ACSF2: variants seen among roughly 807,000 people sequenced by gnomAD.
The protein encoded by ACSF2 is medium-chain acyl-CoA ligase ACSF2, mitochondrial.
In ACSF2, 52 loss-of-function variants were observed where a neutral mutation model predicts 79.3. The observed-to-expected ratio is 0.66, with a 90% confidence interval of 0.53 to 0.83. The LOEUF (loss-of-function observed/expected upper bound fraction) is 0.83, where lower values mean the gene tolerates loss of function less well. ACSF2 is among the 40% of genes least tolerant of loss of function. ACSF2 has a pLI of 0.00. For missense variants in ACSF2, 661 were observed against 803.3 expected, an observed-to-expected ratio of 0.82 and a Z score of 2.14; for synonymous variants, 283 against 312.6, an observed-to-expected ratio of 0.91 and a Z score of 1.00.
At chr17:50,459,353 C>T (rs911145055) in intron 1 of ACSF2, among the ~76,000 whole-genome samples, 5 of 152,196 alleles carry the variant, frequency 3.3e-5, no homozygotes, top group African/African-American at 9.6e-5. Context: ...TGATCCTCCC[C>T]CTTCAACCTC....
chr17:50,440,204 C>G (rs540888238), intron 1 of ACSF2, among the ~76,000 whole-genome samples: 37 of 151,368 alleles, frequency 2.4e-4, no homozygotes, highest in African/African-American at 8.2e-4. Flanking sequence ...TTTTGAAAGC[C>G]TCACTGGTGG....
intron 10 of ACSF2, chr17:50,464,586 G>A (rs1259100080): frequency 3.5e-6 from 2 of 570,776 alleles, no homozygotes; most frequent in Admixed American, 2.2e-5. Context: ...TGTCCTGCTA[G>A]AACGTCCTGG....
chr17:50,473,400 C>T (rs973909620), intron 12 of ACSF2: 33 of 436,036 alleles, frequency 7.6e-5, no homozygotes, highest in Non-Finnish European at 1.1e-4. Flanking sequence ...TGAGCTGAGA[C>T]CTGGAAAGAA....
chr17:50,473,393 G>A, intron 12 of ACSF2: 1 of 425,242 alleles, frequency 2.4e-6, no homozygotes, highest in Non-Finnish European at 4.3e-6. Flanking sequence ...AGACATTTGA[G>A]CTGAGACCTG....
intron 1 of ACSF2, among the ~76,000 whole-genome samples, chr17:50,452,138 A>C (rs557421583): frequency 2.4e-4 from 37 of 152,240 alleles, no homozygotes; most frequent in African/African-American, 7.0e-4. Context: ...CAAGGCTCCT[A>C]TCTGGTCTCA....
At position 50,461,704 on chromosome 17, in the gene ACSF2, G is replaced by C. The variant is rs755101203; in HGVS notation, c.507+18G>C. 6.2e-7 allele frequency: 1 copy of C among 1,613,980 alleles called. No individual in the cohort carries two copies. The highest frequency in any genetic ancestry group is 8.5e-7 in the Non-Finnish European group (1 of 1,179,962). On this transcript the variant is annotated intron_variant, in intron 4 of 15. Transcript: ENST00000300441. ...TCAAGAAGGTACAGCTCATTTGTCG[G>C]GGAGGGGCCCGGCTGGGGCCTGGCA...
At chr17:50,460,112 G>A (rs919460648) in intron 1 of ACSF2, 17 of 451,694 alleles carry the variant, frequency 3.8e-5, no homozygotes, top group African/African-American at 2.8e-4. Context: ...CTACAGGCCT[G>A]TGGAATAACA....
At position 50,461,951 on chromosome 17, in the gene ACSF2, T is replaced by TGC. The variant is rs1555611295; in HGVS notation, c.508-231_508-230dup. Among the ~76,000 whole-genome samples the TGC allele has an allele frequency of 4.0e-5, 6 of 150,482 alleles. No homozygotes were observed. The South Asian group carries it at 6.4e-4, about 16-fold the overall frequency. The stretch of plus-strand genomic sequence containing the variant: ...AGGTGTGTGTGTGTGTGTGTGTGTG[T>TGC]GCGTGTGTCCATCCTCATATGTGAT... On this transcript the variant is annotated intron_variant, in intron 4 of 15. Transcript: ENST00000300441.
In ACSF2 at chr17:50,462,316, AGGTTAGTG is replaced by A; in HGVS notation, c.626+18_626+25del. 6.2e-7 allele frequency: 1 copy of A among 1,613,530 alleles called. No homozygotes were observed. The highest frequency in any genetic ancestry group is 1.1e-5 in the South Asian group (1 of 91,064). Reference sequence around the variant, plus strand: ...GAAGAGTCAGAGGTGGGTGTGTCCCAGGTTAGTGGGTGGTGCATCATTCAGCATCCCTG... The same window carrying A: ...GAAGAGTCAGAGGTGGGTGTGTCCCAGGTGGTGCATCATTCAGCATCCCTG... On this transcript the variant is annotated intron_variant, in intron 5 of 15. Transcript: ENST00000300441.
At chr17:50,445,058 G>T (rs2031208548) in intron 1 of ACSF2, among the ~76,000 whole-genome samples, 1 of 152,024 alleles carries the variant, frequency 6.6e-6, no homozygotes. Flanking sequence ...GAGACCACAG[G>T]TGCATGCCAC....
At chr17:50,464,520 T>C in intron 10 of ACSF2, 1 of 674,484 alleles carries the variant, frequency 1.5e-6, no homozygotes, top group Non-Finnish European at 2.7e-6. Context: ...ACATTTATAT[T>C]TATAGAAATC....
chr17:50,434,389 T>C (rs1045933073), intron 1 of ACSF2, among the ~76,000 whole-genome samples: 1 of 151,848 alleles, frequency 6.6e-6, no homozygotes, highest in Admixed American at 6.6e-5. Context: ...GAGTATCTTG[T>C]TCAAAATCTT....
intron 10 of ACSF2, chr17:50,465,821 A>C: frequency 6.2e-7 from 1 of 1,613,844 alleles, no homozygotes; most frequent in Non-Finnish European, 8.5e-7. Context: ...GTTGTTCTCC[A>C]AATGGACGTG....
intron 2 of ACSF2, 67 bp from the exon 3 acceptor site, chr17:50,461,175 G>A: frequency 1.2e-6 from 2 of 1,607,830 alleles, no homozygotes; most frequent in East Asian, 2.2e-5. Flanking sequence ...TAAGGGCTGA[G>A]GGTGGGAGTC....
intron 1 of ACSF2, among the ~76,000 whole-genome samples, chr17:50,429,878 G>C (rs1007761229): frequency 1.3e-5 from 2 of 152,248 alleles, no homozygotes; most frequent in East Asian, 3.9e-4. Flanking sequence ...AACTCCTCAC[G>C]ACCAACTCCT....
At chr17:50,444,618 C>T (rs1055809600) in intron 1 of ACSF2, among the ~76,000 whole-genome samples, 1 of 140,672 alleles carries the variant, frequency 7.1e-6, no homozygotes, top group Non-Finnish European at 1.5e-5. Flanking sequence ...CCCCAGCCCC[C>T]GAGTTTCTCT....
chr17:50,468,847 C>T (rs1178793174), intron 10 of ACSF2: 2 of 1,455,824 alleles, frequency 1.4e-6, no homozygotes, highest in South Asian at 1.4e-5. Flanking sequence ...CTGGGGGCAG[C>T]AGCGGCGGCG....
chr17:50,432,845 A>G (rs1458709623), intron 1 of ACSF2, among the ~76,000 whole-genome samples: 1 of 152,234 alleles, frequency 6.6e-6, no homozygotes, highest in African/African-American at 2.4e-5. Flanking sequence ...CTGTTTGGAC[A>G]AGATGTGCTC....
chr17:50,464,732 C>G (rs1447191184), intron 10 of ACSF2: 1 of 377,026 alleles, frequency 2.7e-6, no homozygotes, highest in Non-Finnish European at 5.2e-6. Context: ...GGAGGGTGGC[C>G]ATCCTGATGA....
Sources: allele counts gnomAD v4.1 joint callset (sites outside exome capture counted in the v4.1 genomes callset), GRCh38; gene constraint gnomAD v4.1.1; transcripts MANE v1.5; gene names NCBI Gene and HGNC (gene_info 2026-07-23, HGNC 2026-07-21).